Variants in EIF2AK4 observed in about 807,000 individuals in gnomAD.
EIF2AK4 encodes eukaryotic translation initiation factor 2 alpha kinase 4.
In EIF2AK4, 139 loss-of-function variants were observed where a neutral mutation model predicts 211.1. The ratio of observed to expected loss-of-function variants is 0.66; its 90% CI spans 0.57 to 0.76. The LOEUF is 0.76. Ranked by LOEUF, EIF2AK4 falls within the 30% of genes least tolerant of loss-of-function variation. The pLI, the probability that EIF2AK4 is intolerant of heterozygous loss-of-function variation, is 0.00. For missense variants in EIF2AK4, 1,664 were observed against 2,043.8 expected (o/e 0.81, Z 3.58); for synonymous variants, 710 against 751.3 (o/e 0.94, Z 0.90).
At chr15:39,935,247 G>A (rs1420111346) in intron 1 of EIF2AK4, among the ~76,000 whole-genome samples, 3 of 151,996 alleles carry the variant, frequency 2.0e-5, no homozygotes, top group Non-Finnish European at 4.4e-5. Flanking sequence ...TATACTGACA[G>A]TTTTTTCCCC....
rs562982551 is a variant in EIF2AK4, at chr15:40,025,982, G to A, written c.4395G>A (p.Lys1465=). Residue 1465 remains lysine, a synonymous_variant, in exon 33 of 39, where the codon AAG becomes AAA. Coordinates refer to ENST00000263791, the MANE Select transcript of EIF2AK4 (RefSeq NM_001013703.4). ...SDKEGSHVKV[K]SFEKERQTEK... ...TCCGTTTCATTCTTTTTAAGGTTAA[G>A]TCTTTCGAGAAGGAAAGGCAGACAG... is the stretch of plus-strand genomic sequence containing the variant. 3.1e-6 allele frequency: 5 copies of A among 1,613,926 alleles called. No individual in the cohort carries two copies. The African/African-American group carries it at 5.3e-5, about 17-fold the overall frequency.
rs2035026290 is a variant in EIF2AK4, at chr15:39,996,953, T to C, written c.2767-11T>C. On this transcript the variant is annotated splice_polypyrimidine_tract_variant and intron_variant, in intron 18 of 38. Coordinates refer to ENST00000263791, the MANE Select transcript of EIF2AK4 (RefSeq NM_001013703.4). ...CAAGGCTCTCTAAATGCAATTATTCTTCCCCCTCAGAAAGTGGATCTCTTC... is the reference window on the plus strand; with the variant it reads ...CAAGGCTCTCTAAATGCAATTATTCCTCCCCCTCAGAAAGTGGATCTCTTC... The C allele has an allele frequency of 2.5e-6, 4 of 1,573,066 alleles. No individual in the cohort carries two copies. Among genetic ancestry groups the C allele is most frequent in the Non-Finnish European group, 2.6e-6 (3 of 1,142,940 alleles).
intron 9 of EIF2AK4, among the ~76,000 whole-genome samples, chr15:39,972,008 A>G (rs942405663): frequency 6.6e-6 from 1 of 152,306 alleles, no homozygotes; most frequent in Admixed American, 6.5e-5. Flanking sequence ...CAAAACAAGA[A>G]TTGTCTATTA....
At chr15:40,011,235 T>G (rs753304651) in intron 26 of EIF2AK4, 46 bp from the exon 27 acceptor site, 28 of 1,532,252 alleles carry the variant, frequency 1.8e-5, no homozygotes, top group Non-Finnish European at 2.3e-5. Flanking sequence ...TCTTGTTCAG[T>G]GCCAGATTTC....
rs1305568930 is a variant in EIF2AK4, at chr15:40,027,512, A to G, written c.4502+1423A>G. ...TTGAATTATGATAATTTGGTGAAAT[A>G]TTGTGCAGCCTTTAAAAATGATGAT... On this transcript the variant is annotated intron_variant, in intron 33 of 38. Coordinates refer to ENST00000263791, the MANE Select transcript of EIF2AK4 (RefSeq NM_001013703.4). Among the ~76,000 whole-genome samples the G allele has an allele frequency of 3.3e-5, 5 of 152,236 alleles. No individual in the cohort carries two copies. The East Asian group carries it at 5.8e-4, about 18-fold the overall frequency.
chr15:40,000,838 T>A (rs75819427), intron 20 of EIF2AK4, 150 bp from the exon 21 acceptor site: 1 of 370,954 alleles, frequency 2.7e-6, no homozygotes, highest in Middle Eastern at 8.2e-4. Context: ...GCAGAAAAAA[T>A]AATGACCTAT....
At chr15:40,019,223 A>T (rs1444662741) in intron 30 of EIF2AK4, 23 bp downstream of exon 30, 1 of 1,518,146 alleles carries the variant, frequency 6.6e-7, no homozygotes, top group Non-Finnish European at 8.9e-7. Flanking sequence ...TTGGCTTCCC[A>T]GCATACTTCG....
At position 39,976,665 on chromosome 15, in the gene EIF2AK4, AGACGGCCTG is replaced by A; in HGVS notation, c.2074_2082del (p.Gly692_Asp694del). 3.7e-6 allele frequency: 6 copies of A among 1,604,556 alleles called. No individual in the cohort carries two copies. The highest frequency in any genetic ancestry group is 5.1e-6 in the Non-Finnish European group (6 of 1,177,832). On this transcript the variant is annotated inframe_deletion, in exon 12 of 39. Transcript: ENST00000263791. ...CACGCGGGCAGCCGGCGAGCGACAC[AGACGGCCTG>A]GACAGCGTAGAGGCCGCCGCGCCGC... is the stretch of plus-strand genomic sequence containing the variant.
Position 39,965,734 on chromosome 15 carries a change from C to T in EIF2AK4, c.908C>T (p.Ala303Val). Residue 303 changes from alanine (A) to valine (V), a missense_variant, in exon 8 of 39, where the codon GCC (alanine) becomes GTC (valine). By Grantham distance (64) the Ala-to-Val change is moderately conservative. This residue lies in a region of EIF2AK4 where 641 missense variants were observed against 729.6 expected (regional missense o/e 0.88). Coordinates refer to ENST00000263791, the MANE Select transcript of EIF2AK4 (RefSeq NM_001013703.4). ...TTAGTCTACAATGCTTTGGAAACAG[C>T]CACTGGTGGCTTTGTCTTGTTGTAT... ...GKLVYNALETATGGFVLLYEW... is the reference protein window; with the variant it reads ...GKLVYNALETVTGGFVLLYEW... 1.2e-6 allele frequency: 2 copies of T among 1,614,050 alleles called. No homozygotes were observed. The highest frequency in any genetic ancestry group is 2.2e-5 in the South Asian group (2 of 91,084).
In EIF2AK4 at chr15:40,001,193, T is replaced by C; in HGVS notation, c.3128T>C (p.Ile1043Thr). 1 of 1,613,742 alleles carries C rather than the reference T, an allele frequency of 6.2e-7. No homozygotes were observed. The stretch of plus-strand genomic sequence containing the variant: ...TTCTCGCAGCGCATCTCCCCTGCCA[T>C]CGATTACACCTATGACAGCGACATA... ...QIFSQRISPA[I>T]DYTYDSDILK... Residue 1043 changes from isoleucine (I) to threonine (T), a missense_variant, in exon 21 of 39, where the codon ATC becomes ACC. By Grantham distance (89) the Ile-to-Thr change is moderately conservative (BLOSUM62 -1). Transcript: ENST00000263791.
At chr15:39,957,480 G>T (rs575797511) in intron 6 of EIF2AK4, among the ~76,000 whole-genome samples, 2 of 152,192 alleles carry the variant, frequency 1.3e-5, no homozygotes, top group East Asian at 3.9e-4. Flanking sequence ...TTCTCATTCA[G>T]TTCTCCCCTC....
At chr15:39,943,908 T>C (rs2034184583) in intron 3 of EIF2AK4, among the ~76,000 whole-genome samples, 1 of 151,884 alleles carries the variant, frequency 6.6e-6, no homozygotes, top group African/African-American at 2.4e-5. Flanking sequence ...TGAGCTATGA[T>C]CACACCCCTT....
intron 33 of EIF2AK4, among the ~76,000 whole-genome samples, chr15:40,027,718 G>A (rs980119980): frequency 7.9e-5 from 12 of 151,986 alleles, no homozygotes; most frequent in South Asian, 6.2e-4. Context: ...GTGAAACCCC[G>A]TCTCTACTAA....
At position 39,992,239 on chromosome 15, in the gene EIF2AK4, G is replaced by A; in HGVS notation, c.2686+10G>A. The A allele has an allele frequency of 6.2e-7, 1 of 1,605,710 alleles. No individual in the cohort carries two copies. Among genetic ancestry groups the A allele is most frequent in the Non-Finnish European group, 8.5e-7 (1 of 1,175,666 alleles). The stretch of plus-strand genomic sequence containing the variant: ...AAGTCAGACCCTTCAGGTAAACCCA[G>A]AAGACTATATATTTCATCCATGTGT... On this transcript the variant is annotated intron_variant, in intron 17 of 38. Coordinates refer to ENST00000263791, the MANE Select transcript of EIF2AK4 (RefSeq NM_001013703.4).
At chr15:39,984,345 G>A (rs926638870) in intron 13 of EIF2AK4, among the ~76,000 whole-genome samples, 2 of 152,008 alleles carry the variant, frequency 1.3e-5, no homozygotes, top group South Asian at 4.2e-4. Context: ...GCTCTTTTTT[G>A]GTCCCATATA....
chr15:39,998,481 C>G (rs898542770), intron 19 of EIF2AK4, among the ~76,000 whole-genome samples: 1 of 151,900 alleles, frequency 6.6e-6, no homozygotes, highest in Non-Finnish European at 1.5e-5. Flanking sequence ...TATGTGAGGT[C>G]AAAGGTGCAG....
intron 23 of EIF2AK4, among the ~76,000 whole-genome samples, chr15:40,005,985 T>A (rs769648462): frequency 2.6e-5 from 4 of 151,012 alleles, no homozygotes; most frequent in Admixed American, 1.3e-4. Context: ...AAAAAAAAAA[T>A]TCACAAAGCT....
intron 13 of EIF2AK4, among the ~76,000 whole-genome samples, chr15:39,979,512 A>AAAT (rs1359110199): frequency 2.0e-5 from 3 of 152,202 alleles, no homozygotes; most frequent in Non-Finnish European, 4.4e-5. Context: ...TAATTATGAG[A>AAAT]AATTATTTTA....
At chr15:39,947,142 G>A (rs1157570775) in intron 3 of EIF2AK4, among the ~76,000 whole-genome samples, 1 of 152,158 alleles carries the variant, frequency 6.6e-6, no homozygotes, top group Non-Finnish European at 1.5e-5. Context: ...GGAAGGCACT[G>A]TGCAAATCAC....
Sources: gnomAD v4.1 joint callset for allele counts (sites outside exome capture counted in the v4.1 genomes callset) on GRCh38, gnomAD v4.1.1 for gene constraint, gnomAD v4.1.1 regional missense constraint, MANE v1.5 for transcripts, NCBI Gene and HGNC (gene_info 2026-07-23, HGNC 2026-07-21) for gene names.